ANTXR1: variants seen among roughly 807,000 people sequenced by gnomAD.
ANTXR1 encodes the protein ANTXR cell adhesion molecule 1.
In ANTXR1, 19 loss-of-function variants were observed where a neutral mutation model predicts 78.1. The ratio of observed to expected loss-of-function variants is 0.24; its 90% CI spans 0.17 to 0.36. The LOEUF is 0.36. Among genes scored for constraint, ANTXR1 ranks in the 10% least tolerant of loss-of-function variants. The pLI is 1.00. For missense variants in ANTXR1, 518 were observed against 718.6 expected, an observed-to-expected ratio of 0.72 and a Z score of 3.19; for synonymous variants, 273 against 260.5, an observed-to-expected ratio of 1.05 and a Z score of -0.46.
At chr2:69,096,298 GAGGA>G (rs1671408441) in intron 9 of ANTXR1, among the ~76,000 whole-genome samples, 2 of 18,996 alleles carry the variant, frequency 1.1e-4, no homozygotes, top group East Asian at 2.7e-3. Context: ...GGGAGGAAGG[GAGGA>G]AGGGAGGAAG....
chr2:69,245,577 C>T lies in ANTXR1; in HGVS notation c.*92C>T, dbSNP rs1676003799. 6.4e-7 allele frequency: 1 copy of T among 1,554,678 alleles called. No homozygotes were observed. Among genetic ancestry groups the T allele is most frequent in the Non-Finnish European group, 8.7e-7 (1 of 1,150,776 alleles). On this transcript the variant is annotated 3_prime_UTR_variant, in exon 18 of 18. Transcript: ENST00000303714. ...TAGAGAAGAGGAGTGGTGATAAAGC[C>T]CACTGACCTTCACACATTCTAAAAA...
chr2:69,193,733 A>G (rs1332477888), intron 17 of ANTXR1, among the ~76,000 whole-genome samples: 4 of 152,242 alleles, frequency 2.6e-5, no homozygotes, highest in Non-Finnish European at 4.4e-5. Context: ...GTATAGGCAC[A>G]GTGAGAGAAT....
chr2:69,176,114 C>T (rs1306804871), intron 14 of ANTXR1, among the ~76,000 whole-genome samples: 1 of 151,208 alleles, frequency 6.6e-6, no homozygotes, highest in Non-Finnish European at 1.5e-5. Flanking sequence ...CACACATACA[C>T]TCCAAACAGA....
chr2:69,094,151 G>A (rs960680451), intron 9 of ANTXR1, among the ~76,000 whole-genome samples: 4 of 152,184 alleles, frequency 2.6e-5, no homozygotes, highest in South Asian at 2.1e-4. Flanking sequence ...CAGATAGAGC[G>A]AGGCGTAGCC....
chr2:69,207,712 C>T (rs112238123), intron 17 of ANTXR1, among the ~76,000 whole-genome samples: 1,675 of 152,252 alleles, frequency 0.011, 33 homozygotes, highest in African/African-American at 0.037. Flanking sequence ...CTGGGACCTC[C>T]GCTGGCAACA....
At chr2:69,022,149 C>T (rs893556114) in intron 1 of ANTXR1, among the ~76,000 whole-genome samples, 2 of 152,188 alleles carry the variant, frequency 1.3e-5, no homozygotes, top group African/African-American at 2.4e-5. Flanking sequence ...GGAAAGACAG[C>T]AGCCCATGGA....
rs149966319 is a variant in ANTXR1 at position 69,226,975 on chromosome 2, G to A, written c.1435-18250G>A. On this transcript the variant is annotated intron_variant, in intron 17 of 17. Coordinates refer to ENST00000303714, the MANE Select transcript of ANTXR1 (RefSeq NM_032208.3). ...CACAGACATTTAATTAGTGCAGGCT[G>A]GATTCGTGAAGCATTTCGTGCACCA... Among the ~76,000 whole-genome samples the A allele has an allele frequency of 5.3e-4, 81 of 152,230 alleles. 3 individuals are homozygous for A. In the East Asian group the frequency reaches 0.014, roughly 26 times the overall value.
At chr2:69,064,610 A>G (rs1268239870) in intron 3 of ANTXR1, among the ~76,000 whole-genome samples, 2 of 152,234 alleles carry the variant, frequency 1.3e-5, no homozygotes, top group African/African-American at 2.4e-5. Flanking sequence ...TTTACAAGAG[A>G]CACTTTAAAT....
At chr2:69,067,306 C>CAAA (rs58081284) in intron 3 of ANTXR1, among the ~76,000 whole-genome samples, 97 of 84,346 alleles carry the variant, frequency 1.2e-3, no homozygotes, top group East Asian at 6.0e-3. Context: ...TGTTCTGGTA[C>CAAA]AAAAAAAAAA....
chr2:69,127,451 CCT>C (rs1412635237), intron 12 of ANTXR1, among the ~76,000 whole-genome samples: 3 of 151,874 alleles, frequency 2.0e-5, no homozygotes, highest in African/African-American at 7.2e-5. Flanking sequence ...GTCCTTATTC[CCT>C]CTCAGGATAG....
At chr2:69,136,646 T>C (rs1473122328) in intron 12 of ANTXR1, among the ~76,000 whole-genome samples, 4 of 152,132 alleles carry the variant, frequency 2.6e-5, no homozygotes, top group Non-Finnish European at 5.9e-5. Context: ...TACAGGGAAA[T>C]TTGTCATCTT....
intron 1 of ANTXR1, among the ~76,000 whole-genome samples, chr2:69,034,034 A>T (rs560168663): frequency 1.3e-5 from 2 of 152,352 alleles, no homozygotes; most frequent in African/African-American, 4.8e-5. Flanking sequence ...CTCTTTGCAT[A>T]TTAGACCCTT....
In ANTXR1 at chr2:69,044,746, C is replaced by A; in HGVS notation, c.229C>A (p.Gln77Lys). The A allele has an allele frequency of 6.2e-7, 1 of 1,613,842 alleles. No homozygotes were observed. Among genetic ancestry groups the A allele is most frequent in the Non-Finnish European group, 8.5e-7 (1 of 1,179,774 alleles). Residue 77 changes from glutamine to lysine, a missense_variant, in exon 3 of 18, where the codon CAG (glutamine) becomes AAG (lysine). Gln to Lys is a moderately conservative substitution (Grantham distance 53). This residue lies in a region of ANTXR1 where 264 missense variants were observed against 391.8 expected (regional missense o/e 0.67). Transcript: ENST00000303714. The stretch of plus-strand genomic sequence containing the variant: ...AGAGCTTCTTTTCCTTTCCAGCCCA[C>A]AGTTGAGAATGTCCTTTATTGTTTT... ...EQLAHKFISP[Q>K]LRMSFIVFST...
intron 3 of ANTXR1, among the ~76,000 whole-genome samples, chr2:69,053,042 A>G (rs1669969186): frequency 6.6e-6 from 1 of 152,214 alleles, no homozygotes; most frequent in Non-Finnish European, 1.5e-5. Context: ...ACATAAATAT[A>G]AATTAGAATT....
intron 8 of ANTXR1, among the ~76,000 whole-genome samples, chr2:69,087,010 G>A (rs928904787): frequency 6.6e-6 from 1 of 152,038 alleles, no homozygotes; most frequent in African/African-American, 2.4e-5. Flanking sequence ...AAATATCTCT[G>A]CGTTCATGAC....
intron 16 of ANTXR1, 194 bp downstream of exon 16, chr2:69,182,854 T>A (rs1415363492): frequency 1.4e-6 from 1 of 717,624 alleles, no homozygotes; most frequent in Admixed American, 2.6e-5. Flanking sequence ...GGTTGAAAAC[T>A]AGGCTTTTTA....
chr2:69,172,861 T>C (rs1674031579), intron 14 of ANTXR1, among the ~76,000 whole-genome samples: 1 of 152,212 alleles, frequency 6.6e-6, no homozygotes, highest in Non-Finnish European at 1.5e-5. Flanking sequence ...AGCTCAGTTT[T>C]AACAACTAAG....
chr2:69,166,047 A>G (rs1430807018), intron 13 of ANTXR1, among the ~76,000 whole-genome samples: 1 of 152,250 alleles, frequency 6.6e-6, no homozygotes, highest in Admixed American at 6.5e-5. Flanking sequence ...GGCCCTGAGA[A>G]CACGCAATCT....
intron 17 of ANTXR1, among the ~76,000 whole-genome samples, chr2:69,216,783 C>T (rs1018955051): frequency 2.6e-5 from 4 of 152,214 alleles, no homozygotes; most frequent in African/African-American, 9.7e-5. Context: ...CACGGGACCA[C>T]TGAAGACTTC....
Sources: gnomAD v4.1 joint callset for allele counts (sites outside exome capture counted in the v4.1 genomes callset) on GRCh38, gnomAD v4.1.1 for gene constraint, gnomAD v4.1.1 regional missense constraint, MANE v1.5 for transcripts, NCBI Gene and HGNC (gene_info 2026-07-23, HGNC 2026-07-21) for gene names.